Variants in MAEA observed in about 807,000 individuals in gnomAD.
MAEA encodes macrophage erythroblast attacher, E3 ubiquitin ligase, also known as E3 ubiquitin-protein transferase MAEA.
Under a neutral mutation model 46.2 loss-of-function variants are expected in MAEA, and 22 were observed. The observed-to-expected ratio is 0.48, with a 90% CI of 0.34 to 0.68. The LOEUF (loss-of-function observed/expected upper bound fraction) is 0.68, where lower values mean the gene tolerates loss of function less well. MAEA is among the 30% of genes least tolerant of loss of function. The pLI, the probability that MAEA is intolerant of heterozygous loss-of-function variation, is 0.01. For missense variants in MAEA, 393 were observed against 558.1 expected (o/e 0.70, Z 2.98); for synonymous variants, 246 against 222.6 (o/e 1.11, Z -0.94).
chr4:1,295,220 C>T (rs1290650762), intron 1 of MAEA, among the ~76,000 whole-genome samples: 2 of 152,110 alleles, frequency 1.3e-5, no homozygotes, highest in Non-Finnish European at 2.9e-5. Flanking sequence ...GTGGGGATGT[C>T]TGGGTGCTGA....
In MAEA at chr4:1,320,006, A is replaced by G. The variant is rs185580227; in HGVS notation, c.457-2375A>G. Among the ~76,000 whole-genome samples, 461 of 151,764 alleles carry G rather than the reference A, an allele frequency of 3.0e-3. 4 individuals carry two copies. Among genetic ancestry groups the G allele is most frequent in the African/African-American group, 0.01 (425 of 41,228 alleles). On this transcript the variant is annotated intron_variant, in intron 3 of 8. Transcript: ENST00000303400. Reference sequence around the variant, plus strand: ...AAAAGAATCATCAAAGCAAACATGCAAGAAAACGCTATGAAGGGGCTCCAG... The same window carrying G: ...AAAAGAATCATCAAAGCAAACATGCGAGAAAACGCTATGAAGGGGCTCCAG...
At chr4:1,298,158 C>T (rs557846191) in intron 1 of MAEA, 31 of 444,814 alleles carry the variant, frequency 7.0e-5, no homozygotes, top group African/African-American at 6.0e-4. Flanking sequence ...GCCCCCCATG[C>T]CTGCCCCGTC....
chr4:1,316,969 CACGGCCCCACA>C (rs1560356859), intron 3 of MAEA, among the ~76,000 whole-genome samples: 57 of 114,696 alleles, frequency 5.0e-4, no homozygotes, highest in African/African-American at 1.2e-3. Flanking sequence ...GCAGGCCCAC[CACGGCCCCACA>C]CTCTAGACTC....
chr4:1,339,215 C>T lies in MAEA; in HGVS notation c.*46C>T, dbSNP rs778950346. 2.3e-5 allele frequency: 34 copies of T among 1,459,686 alleles called. No homozygotes were observed. In the South Asian group the frequency reaches 2.8e-4, roughly 12 times the overall value. The allele number at this position is 1,459,686 out of a possible 1,614,324, so 90.4% of individuals were successfully genotyped here. A position where few individuals can be genotyped will look rare whatever the true frequency, so the allele number is the denominator to read the frequency against. On this transcript the variant is annotated 3_prime_UTR_variant, in exon 9 of 9. Transcript: ENST00000303400. Reference sequence around the variant, plus strand: ...CGCCTCGGGGACGGGCTGCAGTGGGCGGGGAGGCCACGCCTTCCTCCTGTC... The same window carrying T: ...CGCCTCGGGGACGGGCTGCAGTGGGTGGGGAGGCCACGCCTTCCTCCTGTC...
intron 1 of MAEA, among the ~76,000 whole-genome samples, chr4:1,305,377 C>G (rs1735729252): frequency 6.6e-6 from 1 of 152,202 alleles, no homozygotes; most frequent in African/African-American, 2.4e-5. Context: ...CGGCGCGGCC[C>G]TCCGTCTGAT....
rs375487911 is a variant in MAEA, at chr4:1,308,549, C to T, written c.70-3430C>T. ...CGGGCACGTTCCCTGGCACTGCACGCGTGTCCCGCTGCTCCGCTTCCTGCC... is the reference window on the plus strand; with the variant it reads ...CGGGCACGTTCCCTGGCACTGCACGTGTGTCCCGCTGCTCCGCTTCCTGCC... On this transcript the variant is annotated intron_variant, in intron 1 of 8. Transcript: ENST00000303400. Among the ~76,000 whole-genome samples the T allele has an allele frequency of 6.4e-4, 97 of 152,332 alleles. 3 individuals are homozygous for T. The South Asian group carries it at 0.015, about 24-fold the overall frequency.
chr4:1,311,264 G>A lies in MAEA; in HGVS notation c.70-715G>A, dbSNP rs528000525. 2.0e-5 allele frequency among the ~76,000 whole-genome samples: 3 copies of A among 152,366 alleles called. No individual in the cohort carries two copies. Among genetic ancestry groups the A allele is most frequent in the African/African-American group, 4.8e-5 (2 of 41,590 alleles). On this transcript the variant is annotated intron_variant, in intron 1 of 8. Transcript: ENST00000303400. This position sits in a 1 kb window ranked among gnomAD's most constrained non-coding sequence, Gnocchi z 4.4. ...CTGCGGGAGCCCGGCCACGGAGGCC[G>A]GGGAGCGCTGGGGCGTGATTCTGTC...
At chr4:1,332,734 T>TTAA in intron 5 of MAEA, 23 bp from the exon 6 acceptor site, 1 of 1,587,926 alleles carries the variant, frequency 6.3e-7, no homozygotes, top group Non-Finnish European at 8.6e-7. Context: ...CAAACTTAAA[T>TTAA]GTGCCAAAAT....
At chr4:1,293,469 G>A (rs1734320664) in intron 1 of MAEA, among the ~76,000 whole-genome samples, 2 of 152,174 alleles carry the variant, frequency 1.3e-5, no homozygotes, top group Admixed American at 1.3e-4. Context: ...TAACATTTTG[G>A]TGTATTTACT....
At chr4:1,325,677 G>A (rs1405773838) in intron 4 of MAEA, among the ~76,000 whole-genome samples, 2 of 151,566 alleles carry the variant, frequency 1.3e-5, no homozygotes, top group East Asian at 3.9e-4. Flanking sequence ...AGGCAGGTGG[G>A]GCCCTGGTGG....
chr4:1,317,513 G>C (rs540279190), intron 3 of MAEA, among the ~76,000 whole-genome samples: 18 of 151,928 alleles, frequency 1.2e-4, no homozygotes, highest in Admixed American at 6.5e-4. Flanking sequence ...TCCCACCCAT[G>C]CCTTCTCCCC....
intron 4 of MAEA, among the ~76,000 whole-genome samples, chr4:1,326,997 G>A (rs527537329): frequency 1.9e-4 from 28 of 149,542 alleles, no homozygotes; most frequent in Middle Eastern, 7.2e-3. Context: ...TCTCCTCCCC[G>A]CCCTGCCGAC....
intron 1 of MAEA, among the ~76,000 whole-genome samples, chr4:1,306,464 G>A (rs900686363): frequency 3.9e-5 from 6 of 152,130 alleles, no homozygotes; most frequent in South Asian, 2.1e-4. Flanking sequence ...GCAGTGAGCC[G>A]AGATCACGCT....
At chr4:1,317,274 T>C (rs1577187463) in intron 3 of MAEA, among the ~76,000 whole-genome samples, 1 of 55,070 alleles carries the variant, frequency 1.8e-5, no homozygotes, top group Non-Finnish European at 3.7e-5. Flanking sequence ...GCCCCCACAC[T>C]CCAGACTCAC....
At chr4:1,320,289 A>AATC (rs1206966525) in intron 3 of MAEA, among the ~76,000 whole-genome samples, 1 of 150,388 alleles carries the variant, frequency 6.6e-6, no homozygotes, top group East Asian at 2.0e-4. Context: ...TCAGAAAAGA[A>AATC]ATCAAAGCAA....
intron 1 of MAEA, among the ~76,000 whole-genome samples, chr4:1,305,730 CGCGTGTGTGGGAGTGT>C (rs1175889148): frequency 6.6e-6 from 1 of 151,174 alleles, no homozygotes; most frequent in Non-Finnish European, 1.5e-5. Flanking sequence ...TGTGTGCGCA[CGCGTGTGTGGGAGTGT>C]GCGTGCGTGC....
intron 1 of MAEA, among the ~76,000 whole-genome samples, chr4:1,295,637 C>T (rs892458530): frequency 7.4e-5 from 11 of 148,398 alleles, no homozygotes; most frequent in South Asian, 4.3e-4. Context: ...CCCCATCACC[C>T]GTACCTGTAC....
intron 1 of MAEA, among the ~76,000 whole-genome samples, chr4:1,305,113 G>A (rs1431448660): frequency 6.6e-6 from 1 of 151,840 alleles, no homozygotes; most frequent in Non-Finnish European, 1.5e-5. Flanking sequence ...CCATGCTTTT[G>A]TCTTCATTTT....
At chr4:1,302,179 C>T (rs1430225992) in intron 1 of MAEA, among the ~76,000 whole-genome samples, 1 of 152,140 alleles carries the variant, frequency 6.6e-6, no homozygotes, top group African/African-American at 2.4e-5. Flanking sequence ...TAGGATTTCC[C>T]CCAGAAATGC....
Sources: gnomAD v4.1 joint callset for allele counts (sites outside exome capture counted in the v4.1 genomes callset) on GRCh38, gnomAD v4.1.1 for gene constraint, Gnocchi (gnomAD v3.1) non-coding constraint, MANE v1.5 for transcripts, NCBI Gene and HGNC (gene_info 2026-07-23, HGNC 2026-07-21) for gene names.